WDR19: variants seen among roughly 807,000 people sequenced by gnomAD.
WDR19 encodes WD repeat domain 19, also known as WD repeat-containing protein 19.
WDR19 carries 121 observed loss-of-function variants against 180.0 expected under a neutral mutation model. That is an observed-to-expected ratio of 0.67 (90% confidence interval 0.58 to 0.78). The LOEUF is 0.78. Among genes scored for constraint, WDR19 ranks in the 30% least tolerant of loss-of-function variants. WDR19 has a pLI of 0.00. For synonymous variants in WDR19, 497 were observed against 540.7 expected, an observed-to-expected ratio of 0.92 and a Z score of 1.12; for missense variants, 1,450 against 1,640.7, an observed-to-expected ratio of 0.88 and a Z score of 2.01.
At chr4:39,199,716 G>A (rs966771159) in intron 6 of WDR19, 123 bp downstream of exon 6, 1 of 668,226 alleles carries the variant, frequency 1.5e-6, no homozygotes, top group Non-Finnish European at 2.4e-6. Context: ...ATGTGTGTGT[G>A]TGTATACACA....
chr4:39,255,675 A>G (rs374515871), intron 26 of WDR19, among the ~76,000 whole-genome samples, 173 bp from the exon 27 acceptor site: 27 of 152,286 alleles, frequency 1.8e-4, no homozygotes, highest in African/African-American at 5.5e-4. Context: ...CAGAGTTACT[A>G]TTTGGAGTAA....
At chr4:39,263,291 C>G (rs1734478086) in intron 28 of WDR19, among the ~76,000 whole-genome samples, 1 of 152,212 alleles carries the variant, frequency 6.6e-6, no homozygotes, top group Admixed American at 6.5e-5. Context: ...AGATCTCTCA[C>G]TTGCTAAATA....
chr4:39,195,387 C>CAA (rs11372483), intron 5 of WDR19, among the ~76,000 whole-genome samples: 12,679 of 141,014 alleles, frequency 0.09, 645 homozygotes, highest in South Asian at 0.14. Context: ...AACAAAAAAA[C>CAA]AAACAAACAA....
chr4:39,272,505 C>G (rs2109506071), intron 31 of WDR19, among the ~76,000 whole-genome samples: 1 of 152,288 alleles, frequency 6.6e-6, no homozygotes, highest in South Asian at 2.1e-4. Flanking sequence ...CGAGGCTCAC[C>G]CCATCCTAAA....
chr4:39,186,411 G>C (rs1420408971), intron 2 of WDR19, 128 bp from the exon 3 acceptor site: 1 of 522,938 alleles, frequency 1.9e-6, no homozygotes, highest in African/African-American at 2.1e-5. Context: ...CCTGGGAGGT[G>C]GAGGTTGCAG....
chr4:39,277,805 G>A (rs1004266120), intron 34 of WDR19, among the ~76,000 whole-genome samples: 5 of 152,168 alleles, frequency 3.3e-5, no homozygotes, highest in African/African-American at 1.2e-4. Context: ...TGTAATCCTA[G>A]CACTTTGGGA....
At chr4:39,279,920 T>C (rs374134986) in intron 36 of WDR19, among the ~76,000 whole-genome samples, 5 of 151,886 alleles carry the variant, frequency 3.3e-5, no homozygotes, top group East Asian at 1.9e-4. Context: ...CCAGGCTGGT[T>C]TCCAACTCCT....
chr4:39,284,964 A>G (rs1737020929), intron 36 of WDR19, among the ~76,000 whole-genome samples: 1 of 152,020 alleles, frequency 6.6e-6, no homozygotes, highest in Admixed American at 6.6e-5. Flanking sequence ...CATGAGGATC[A>G]CTTGAGCCCA....
At chr4:39,260,594 G>A (rs1390426031) in intron 28 of WDR19, among the ~76,000 whole-genome samples, 1 of 152,086 alleles carries the variant, frequency 6.6e-6, no homozygotes, top group South Asian at 2.1e-4. Context: ...GCCTGCCTTG[G>A]CCTCCCAAAG....
At chr4:39,186,846 T>C (rs183233945) in intron 3 of WDR19, among the ~76,000 whole-genome samples, 94 of 152,304 alleles carry the variant, frequency 6.2e-4, no homozygotes, top group African/African-American at 2.2e-3. Flanking sequence ...AATCAGACCG[T>C]GTGAAAGAAT....
At chr4:39,263,134 A>G (rs1734461592) in intron 28 of WDR19, among the ~76,000 whole-genome samples, 1 of 129,098 alleles carries the variant, frequency 7.7e-6, no homozygotes, top group Non-Finnish European at 1.6e-5. Context: ...TGGAGGGGGA[A>G]GGGAAGTACG....
chr4:39,263,699 C>T (rs1351835436), intron 28 of WDR19, among the ~76,000 whole-genome samples: 1 of 152,008 alleles, frequency 6.6e-6, no homozygotes, highest in Non-Finnish European at 1.5e-5. Context: ...CTGAGGTGGG[C>T]GGATCACCTG....
At chr4:39,272,901 T>A in intron 31 of WDR19, 79 bp from the exon 32 acceptor site, 1 of 1,185,180 alleles carries the variant, frequency 8.4e-7, no homozygotes, top group South Asian at 1.5e-5. Flanking sequence ...CATCAAGGAG[T>A]TGTTTATTTG....
intron 15 of WDR19, among the ~76,000 whole-genome samples, chr4:39,227,781 A>G (rs765103578): frequency 6.6e-6 from 1 of 152,198 alleles, no homozygotes; most frequent in Non-Finnish European, 1.5e-5. Flanking sequence ...AAGTATCCCT[A>G]GTGTAATTTA....
chr4:39,189,528 A>G (rs1433345738), intron 3 of WDR19, 128 bp from the exon 4 acceptor site: 9 of 901,756 alleles, frequency 1.0e-5, no homozygotes, highest in African/African-American at 1.8e-5. Context: ...AATGAGTTGT[A>G]TTTCTCACTT....
chr4:39,263,923 T>A (rs1249678192), intron 28 of WDR19, among the ~76,000 whole-genome samples: 1 of 140,452 alleles, frequency 7.1e-6, no homozygotes. Context: ...AAACTCCATC[T>A]AAAAAAAAAA....
rs1317827006 is a variant in WDR19 at position 39,254,024 on chromosome 4, A to G, written c.2995A>G (p.Ile999Val). The change falls in exon 26 of 37, where the codon ATT becomes GTT. Residue 999 changes from isoleucine (I) to valine (V), a missense_variant. Physicochemically the swap from Ile to Val is conservative, Grantham distance 29. Coordinates refer to ENST00000399820, the MANE Select transcript of WDR19 (RefSeq NM_025132.4). ...QHNKMEIYAD[I>V]IGSEDTTNED... Reference sequence around the variant, plus strand: ...CAACAAAATGGAAATCTATGCAGATATTATTGGTAAATATCATTTTTTCCC... The same window carrying G: ...CAACAAAATGGAAATCTATGCAGATGTTATTGGTAAATATCATTTTTTCCC... 1.9e-6 allele frequency: 3 copies of G among 1,608,712 alleles called. No homozygotes were observed. The South Asian group carries it at 3.3e-5, about 18-fold the overall frequency.
At chr4:39,216,878 C>T (rs894109708) in intron 12 of WDR19, among the ~76,000 whole-genome samples, 5 of 152,212 alleles carry the variant, frequency 3.3e-5, no homozygotes, top group African/African-American at 1.2e-4. Flanking sequence ...AATTGTTTTG[C>T]ATATAATTTT....
Position 39,217,249 on chromosome 4 carries a change from A to T in WDR19, c.1356+9A>T. On this transcript the variant is annotated intron_variant, in intron 13 of 36. Transcript: ENST00000399820. ...AAGTCCAGTTACATTTGGTAAGTAT[A>T]ATTTTGATGTCCTGGAGACGCGCTA... 6.4e-7 allele frequency: 1 copy of T among 1,573,404 alleles called. No individual in the cohort carries two copies. The highest frequency in any genetic ancestry group is 8.7e-7 in the Non-Finnish European group (1 of 1,154,544).
Sources: allele counts gnomAD v4.1 joint callset (sites outside exome capture counted in the v4.1 genomes callset), GRCh38; gene constraint gnomAD v4.1.1; transcripts MANE v1.5; gene names NCBI Gene and HGNC (gene_info 2026-07-23, HGNC 2026-07-21).